The following RTN4 variants were observed in gnomAD, a reference collection of about 807,000 sequenced individuals.
RTN4 encodes the protein reticulon-4.
Under a neutral mutation model 90.4 loss-of-function variants are expected in RTN4, and 32 were observed. That is an observed-to-expected ratio of 0.35 (90% CI 0.27 to 0.48). The LOEUF is 0.48. RTN4 is among the 20% of genes least tolerant of loss of function. The pLI, the probability that RTN4 is intolerant of heterozygous loss-of-function variation, is 0.99. For synonymous variants in RTN4, 629 were observed against 552.5 expected (o/e 1.14, Z -1.94); for missense variants, 1,706 against 1,430.2 (o/e 1.19, Z -3.11).
intron 3 of RTN4, among the ~76,000 whole-genome samples, chr2:55,022,929 A>ACACACACACACC (rs1174140956): frequency 1.9e-4 from 28 of 149,848 alleles, no homozygotes; most frequent in Non-Finnish European, 3.6e-4. Flanking sequence ...ACACACACAC[A>ACACACACACACC]CCCTGCTCTC....
At chr2:54,993,573 G>T (rs1192862908) in intron 3 of RTN4, among the ~76,000 whole-genome samples, 1 of 152,100 alleles carries the variant, frequency 6.6e-6, no homozygotes, top group Non-Finnish European at 1.5e-5. Flanking sequence ...TGGTTCCTAG[G>T]AACACGGTCT....
intron 2 of RTN4, among the ~76,000 whole-genome samples, chr2:55,079,858 C>T (rs1207309170): frequency 6.6e-6 from 1 of 152,186 alleles, no homozygotes. Flanking sequence ...GCACAGACTC[C>T]CAAACCAGAC....
rs182817750 is a variant in RTN4 at position 54,981,092 on chromosome 2, C to T, written c.3360+1423G>A. Among the ~76,000 whole-genome samples the T allele has an allele frequency of 3.3e-5, 5 of 152,156 alleles. No individual in the cohort carries two copies. In the East Asian group the frequency reaches 7.7e-4, roughly 23 times the overall value. On this transcript the variant is annotated intron_variant, in intron 5 of 8. Coordinates refer to ENST00000337526, the MANE Select transcript of RTN4 (RefSeq NM_020532.5). The stretch of plus-strand genomic sequence containing the variant: ...AGTCACTAAATGCAACCACTCTATA[C>T]GAAAGAGGTAAGTAATAAAAGGAAA...
rs1558856548 is a variant in RTN4 at position 55,050,269 on chromosome 2, G to C, written c.32C>G (p.Ser11Trp). 3 of 1,490,602 alleles carry C rather than the reference G, an allele frequency of 2.0e-6. No homozygotes were observed. In the South Asian group the frequency reaches 4.0e-5, roughly 20 times the overall value. The allele number at this position is 1,490,602 out of a possible 1,614,324, so 92.3% of individuals were successfully genotyped here. MEDLDQSPLV[S>W]SSDSPPRPQP... is the part of the protein sequence containing the mutation. Reference sequence around the variant, plus strand: ...CGGCCGGGGTGGGCTGTCCGAGGACGAGACCAGAGGAGACTGGTCCAGGTC... The same window carrying C: ...CGGCCGGGGTGGGCTGTCCGAGGACCAGACCAGAGGAGACTGGTCCAGGTC... The change falls in exon 1 of 9, where the codon TCG (serine) becomes TGG (tryptophan). Residue 11 changes from serine to tryptophan, a missense_variant. Physicochemically the swap from Ser to Trp is radical, Grantham distance 177. Coordinates refer to ENST00000337526, the MANE Select transcript of RTN4 (RefSeq NM_020532.5). The surrounding 1 kb of genome is among the most constrained non-coding windows in gnomAD (Gnocchi z 4.6).
chr2:55,069,701 G>C (rs556574068), intron 2 of RTN4, among the ~76,000 whole-genome samples: 1 of 152,312 alleles, frequency 6.6e-6, no homozygotes, highest in South Asian at 2.1e-4. Context: ...GTCTCCCAGA[G>C]AGGCCCAACC....
At chr2:55,070,191 G>A (rs927616228) in intron 2 of RTN4, among the ~76,000 whole-genome samples, 9 of 151,852 alleles carry the variant, frequency 5.9e-5, no homozygotes, top group Non-Finnish European at 1.0e-4. Context: ...GATGTTTAGC[G>A]GGATCACCAG....
At chr2:54,992,101 G>A (rs182297962) in intron 3 of RTN4, among the ~76,000 whole-genome samples, 18 of 152,258 alleles carry the variant, frequency 1.2e-4, no homozygotes, top group African/African-American at 3.6e-4. Context: ...TTGGGAGGCC[G>A]AGGTGGGAGG....
At chr2:55,127,434 T>G in the RTN4 span, among the ~76,000 whole-genome samples, 1 of 152,236 alleles carries the variant, frequency 6.6e-6, no homozygotes. Context: ...TTTGACAACT[T>G]GATCATTTCC....
In RTN4 at chr2:55,011,294, G is replaced by A. The variant is rs181381300; in HGVS notation, c.3013+13792C>T. 4.6e-5 allele frequency among the ~76,000 whole-genome samples: 7 copies of A among 152,008 alleles called. No individual in the cohort carries two copies. In the East Asian group the frequency reaches 9.7e-4, roughly 21 times the overall value. On this transcript the variant is annotated intron_variant, in intron 3 of 8. Coordinates refer to ENST00000337526, the MANE Select transcript of RTN4 (RefSeq NM_020532.5). ...CTCCCACCTCAGCCTCCTAAAGTGC[G>A]GGGATTACAGGTATGAGCCACCACA...
At chr2:55,011,452 CT>C (rs1680633775) in intron 3 of RTN4, among the ~76,000 whole-genome samples, 1 of 152,160 alleles carries the variant, frequency 6.6e-6, no homozygotes, top group Non-Finnish European at 1.5e-5. Flanking sequence ...ATCAATTCAC[CT>C]GATACTTATA....
At chr2:55,021,553 G>A (rs999648921) in intron 3 of RTN4, among the ~76,000 whole-genome samples, 1 of 151,604 alleles carries the variant, frequency 6.6e-6, no homozygotes, top group African/African-American at 2.4e-5. Context: ...GAACTCCTGG[G>A]CTCAAGCTAT....
chr2:55,003,316 T>C (rs966613426), intron 3 of RTN4, among the ~76,000 whole-genome samples: 2 of 152,210 alleles, frequency 1.3e-5, no homozygotes, highest in African/African-American at 2.4e-5. Flanking sequence ...AGTTTTTAAA[T>C]TGCTTTGAGC....
chr2:55,070,727 G>A (rs1267528672), intron 2 of RTN4, among the ~76,000 whole-genome samples: 2 of 148,486 alleles, frequency 1.3e-5, no homozygotes, highest in South Asian at 2.2e-4. Flanking sequence ...CTCCTATCAA[G>A]GACAAACAGC....
the RTN4 span, among the ~76,000 whole-genome samples, chr2:55,136,151 C>A: frequency 6.6e-6 from 1 of 152,192 alleles, no homozygotes; most frequent in African/African-American, 2.4e-5. Context: ...CTGATAAGAT[C>A]TCAGAAGTTG....
In RTN4 at chr2:55,049,867, G is replaced by C; in HGVS notation, c.434C>G (p.Pro145Arg). 7 of 1,318,120 alleles carry C rather than the reference G, an allele frequency of 5.3e-6. No individual in the cohort carries two copies. The South Asian group carries it at 1.0e-4, about 19-fold the overall frequency. The allele number at this position is 1,318,120 out of a possible 1,614,324, so 81.7% of individuals were successfully genotyped here. A position where few individuals can be genotyped will look rare whatever the true frequency, so the allele number is the denominator to read the frequency against. ...GGGGCTCACGCTGGCCGGGGGAGGA[G>C]GGGGAGGCCGGGCCGGAGGCTCGTC... ...EDDEPPARPPPPPPASVSPQA... is the reference protein window; with the variant it reads ...EDDEPPARPPRPPPASVSPQA... Residue 145 changes from proline to arginine, a missense_variant, in exon 1 of 9, where the codon CCT becomes CGT. Transcript: ENST00000337526.
intron 5 of RTN4, among the ~76,000 whole-genome samples, chr2:54,981,419 A>G (rs1678117073): frequency 6.6e-6 from 1 of 152,130 alleles, no homozygotes; most frequent in African/African-American, 2.4e-5. Flanking sequence ...AAACTAGAAC[A>G]TTTCTCTTGG....
chr2:54,987,379 T>C, intron 4 of RTN4, 112 bp downstream of exon 4: 1 of 845,976 alleles, frequency 1.2e-6, no homozygotes, highest in Non-Finnish European at 2.0e-6. Context: ...TAACTGCAAT[T>C]ATCTTTAACA....
intron 1 of RTN4, among the ~76,000 whole-genome samples, chr2:55,104,013 T>C (rs919437867): frequency 1.3e-5 from 2 of 151,534 alleles, no homozygotes; most frequent in African/African-American, 4.9e-5. Context: ...GCTTTTTATA[T>C]GTAAATTGTA....
chr2:55,030,271 T>C (rs1028277097), intron 1 of RTN4, among the ~76,000 whole-genome samples: 7 of 152,168 alleles, frequency 4.6e-5, no homozygotes, highest in African/African-American at 1.7e-4. Context: ...ATTCCTGGAA[T>C]TTTTCTAAGT....
Sources: gnomAD v4.1 joint callset for allele counts (sites outside exome capture counted in the v4.1 genomes callset) on GRCh38, gnomAD v4.1.1 for gene constraint, Gnocchi (gnomAD v3.1) non-coding constraint, MANE v1.5 for transcripts, NCBI Gene and HGNC (gene_info 2026-07-23, HGNC 2026-07-21) for gene names.